Variants in PRDM11 observed in about 807,000 individuals in gnomAD.
PRDM11 encodes PR domain-containing protein 11.
In PRDM11, 20 loss-of-function variants were observed where a neutral mutation model predicts 97.8. That is an observed-to-expected ratio of 0.20 (90% confidence interval 0.14 to 0.30). PRDM11 has a LOEUF of 0.30. PRDM11 is among the 10% of genes least tolerant of loss of function. The probability of loss-of-function intolerance (pLI) is 1.00; values close to 1 mark genes in which losing one functional copy is unlikely to be tolerated. For synonymous variants in PRDM11, 599 were observed against 637.7 expected (o/e 0.94, Z 0.91); for missense variants, 1,139 against 1,555.2 (o/e 0.73, Z 4.50).
upstream of PRDM11, among the ~76,000 whole-genome samples, chr11:45,144,016 C>T (rs999073675): frequency 2.0e-5 from 3 of 152,196 alleles, no homozygotes; most frequent in African/African-American, 7.2e-5. Context: ...TCTGGGACCA[C>T]TTTCTGCCCA....
intron 4 of PRDM11, among the ~76,000 whole-genome samples, chr11:45,185,828 A>T (rs1852684857): frequency 6.6e-6 from 1 of 152,108 alleles, no homozygotes; most frequent in Non-Finnish European, 1.5e-5. Flanking sequence ...TTTTTTGCAC[A>T]TGTGATTAAG....
intron 1 of PRDM11, among the ~76,000 whole-genome samples, chr11:45,109,062 G>A (rs544318675): frequency 6.6e-6 from 1 of 152,308 alleles, no homozygotes; most frequent in East Asian, 1.9e-4. Flanking sequence ...CCTGGCCACA[G>A]GCCTCTGGGC....
chr11:45,217,186 A>G (rs959805550), intron 5 of PRDM11, among the ~76,000 whole-genome samples: 3 of 152,230 alleles, frequency 2.0e-5, no homozygotes, highest in Admixed American at 6.5e-5. Flanking sequence ...AATATTTTGC[A>G]TATTCAGAAG....
chr11:45,138,257 A>G (rs949513042), intron 1 of PRDM11, among the ~76,000 whole-genome samples: 1 of 152,156 alleles, frequency 6.6e-6, no homozygotes. Flanking sequence ...AAGAGAAAAC[A>G]TTGCAGTCAT....
intron 4 of PRDM11, among the ~76,000 whole-genome samples, chr11:45,186,121 A>G (rs1852696148): frequency 6.6e-6 from 1 of 152,212 alleles, no homozygotes; most frequent in Admixed American, 6.5e-5. Context: ...GACCTCTAGA[A>G]CTATAAGGTA....
intron 1 of PRDM11, among the ~76,000 whole-genome samples, chr11:45,162,831 A>G (rs1851962925): frequency 6.6e-6 from 1 of 152,242 alleles, no homozygotes; most frequent in South Asian, 2.1e-4. Context: ...TGCCTGACAC[A>G]TGGCAGGTGC....
chr11:45,127,501 C>T (rs1364416469), intron 1 of PRDM11, among the ~76,000 whole-genome samples: 2 of 152,178 alleles, frequency 1.3e-5, no homozygotes, highest in Non-Finnish European at 2.9e-5. Flanking sequence ...TGGTGATGTA[C>T]AGATGGGTTT....
chr11:45,206,892 C>T (rs1036088514), intron 5 of PRDM11, among the ~76,000 whole-genome samples: 7 of 152,158 alleles, frequency 4.6e-5, no homozygotes, highest in African/African-American at 2.4e-5. Context: ...AATCCTAGGT[C>T]GGTGTTCTTC....
chr11:45,139,693 C>T (rs1302475811), intron 1 of PRDM11, among the ~76,000 whole-genome samples: 2 of 151,516 alleles, frequency 1.3e-5, no homozygotes, highest in Non-Finnish European at 2.9e-5. Context: ...AAAGATACAA[C>T]TAAGGATGTG....
At chr11:45,191,806 T>TTTATTA (rs34652553) in intron 4 of PRDM11, among the ~76,000 whole-genome samples, 1,880 of 148,066 alleles carry the variant, frequency 0.013, 15 homozygotes, top group Non-Finnish European at 0.017. Context: ...CAAACTAGGT[T>TTTATTA]TTATTATTAT....
chr11:45,184,344 T>C (rs1378426765), intron 4 of PRDM11, among the ~76,000 whole-genome samples: 2 of 152,246 alleles, frequency 1.3e-5, no homozygotes, highest in Non-Finnish European at 2.9e-5. Flanking sequence ...GTCACATTTA[T>C]GTTTTGAAAA....
At chr11:45,138,783 T>C (rs1852931751) in intron 1 of PRDM11, among the ~76,000 whole-genome samples, 1 of 152,164 alleles carries the variant, frequency 6.6e-6, no homozygotes, top group Non-Finnish European at 1.5e-5. Flanking sequence ...AAGATTTTTT[T>C]TTTACAATAT....
intron 5 of PRDM11, among the ~76,000 whole-genome samples, chr11:45,206,544 G>C (rs1282607085): frequency 6.6e-6 from 1 of 152,206 alleles, no homozygotes. Flanking sequence ...GGCGCCGGGA[G>C]CTTTGCCCAT....
chr11:45,173,775 C>T (rs1852261739), intron 1 of PRDM11, among the ~76,000 whole-genome samples: 1 of 152,152 alleles, frequency 6.6e-6, no homozygotes, highest in Non-Finnish European at 1.5e-5. Flanking sequence ...GCAGGAGCCT[C>T]CACTGGCTGG....
chr11:45,134,010 G>C (rs1481341173), intron 1 of PRDM11, among the ~76,000 whole-genome samples: 5 of 152,168 alleles, frequency 3.3e-5, no homozygotes, highest in African/African-American at 1.2e-4. Context: ...GCTGGGTGAA[G>C]CTCACCTAAG....
chr11:45,193,999 A>G (rs767732618), intron 4 of PRDM11, among the ~76,000 whole-genome samples: 1 of 152,236 alleles, frequency 6.6e-6, no homozygotes, highest in Non-Finnish European at 1.5e-5. Flanking sequence ...GGCTTTGCTC[A>G]TATCATGTTT....
intron 4 of PRDM11, among the ~76,000 whole-genome samples, chr11:45,192,542 CAGAGCAAAAGT>C (rs1852952182): frequency 6.6e-6 from 1 of 152,178 alleles, no homozygotes; most frequent in African/African-American, 2.4e-5. Flanking sequence ...TCTATTGTAT[CAGAGCAAAAGT>C]AGAACATGAA....
intron 1 of PRDM11, among the ~76,000 whole-genome samples, chr11:45,163,493 G>T (rs1399730253): frequency 6.6e-6 from 1 of 151,712 alleles, no homozygotes; most frequent in African/African-American, 2.4e-5. Context: ...GAGGATGGGG[G>T]GGGGTACCCG....
chr11:45,180,913 G>A (rs1852470001), intron 1 of PRDM11, among the ~76,000 whole-genome samples: 1 of 151,944 alleles, frequency 6.6e-6, no homozygotes, highest in African/African-American at 2.4e-5. Flanking sequence ...ACGTTTCCCC[G>A]CACCCCTCCC....
Sources: gnomAD v4.1 joint callset for allele counts (sites outside exome capture counted in the v4.1 genomes callset) on GRCh38, gnomAD v4.1.1 for gene constraint, MANE v1.5 for transcripts, NCBI Gene and HGNC (gene_info 2026-07-23, HGNC 2026-07-21) for gene names.